Variants in KIF26B observed in about 807,000 individuals in gnomAD.
KIF26B encodes the protein kinesin family member 26B, also known as kinesin-like protein KIF26B.
A neutral mutation model predicts 151.2 loss-of-function variants in KIF26B; 63 were observed. The observed-to-expected ratio is 0.42, with a 90% CI of 0.34 to 0.51. The LOEUF is 0.51. KIF26B is among the 20% of genes least tolerant of loss of function. KIF26B has a pLI of 0.07. For synonymous variants in KIF26B, 1,357 were observed against 1,262.1 expected (o/e 1.08, Z -1.59); for missense variants, 2,813 against 2,913.6 (o/e 0.97, Z 0.79).
At chr1:245,507,163 A>T (rs543994433) in intron 4 of KIF26B, among the ~76,000 whole-genome samples, 3 of 152,270 alleles carry the variant, frequency 2.0e-5, no homozygotes, top group Admixed American at 6.5e-5. Flanking sequence ...TTTGTTGCTT[A>T]GAAGCTTCGA....
Position 245,452,631 on chromosome 1 carries a change from T to A in KIF26B, c.1166+32886T>A, listed in dbSNP as rs573130777. Among the ~76,000 whole-genome samples the A allele has an allele frequency of 2.6e-5, 4 of 152,312 alleles. No individual in the cohort carries two copies. In the South Asian group the frequency reaches 8.3e-4, roughly 32 times the overall value. ...TTTTTTTTAAAAAAAGAAAAAGTTA[T>A]GGCCATTCTATTAGATATGAGGTGG... On this transcript the variant is annotated intron_variant, in intron 4 of 14. Transcript: ENST00000407071.
intron 2 of KIF26B, among the ~76,000 whole-genome samples, chr1:245,291,392 A>G (rs1671250750): frequency 6.6e-6 from 1 of 152,198 alleles, no homozygotes; most frequent in South Asian, 2.1e-4. Context: ...CAAGTCTTGG[A>G]AAGTCTTCCA....
At chr1:245,287,545 C>A (rs1439968573) in intron 2 of KIF26B, among the ~76,000 whole-genome samples, 1 of 146,166 alleles carries the variant, frequency 6.8e-6, no homozygotes, top group Non-Finnish European at 1.5e-5. Flanking sequence ...CTCTTGTTGC[C>A]CAGACTGGAG....
chr1:245,183,493 C>T (rs989878120), intron 2 of KIF26B, among the ~76,000 whole-genome samples: 7 of 152,166 alleles, frequency 4.6e-5, no homozygotes, highest in African/African-American at 1.7e-4. Flanking sequence ...AAGAAATTTT[C>T]CAGACTCATT....
At chr1:245,195,050 T>C (rs1315507052) in intron 2 of KIF26B, among the ~76,000 whole-genome samples, 1 of 152,202 alleles carries the variant, frequency 6.6e-6, no homozygotes, top group African/African-American at 2.4e-5. Context: ...TTGTTACTTT[T>C]TATGGGCTCT....
intron 3 of KIF26B, among the ~76,000 whole-genome samples, chr1:245,408,607 G>A (rs1018235071): frequency 1.3e-5 from 2 of 151,940 alleles, no homozygotes; most frequent in Admixed American, 6.6e-5. Flanking sequence ...CACCCGCCTC[G>A]GCCTCCCAAA....
intron 2 of KIF26B, among the ~76,000 whole-genome samples, chr1:245,312,517 A>T (rs1345256675): frequency 6.6e-6 from 1 of 152,034 alleles, no homozygotes; most frequent in Non-Finnish European, 1.5e-5. Context: ...CTCCCCTAGG[A>T]CACTCATTAG....
intron 4 of KIF26B, among the ~76,000 whole-genome samples, chr1:245,463,526 A>G (rs1215829675): frequency 6.6e-6 from 1 of 152,208 alleles, no homozygotes; most frequent in Non-Finnish European, 1.5e-5. Context: ...GAATGGAGCT[A>G]TGGACATGAA....
chr1:245,670,198 TGAA>T (rs112485759), intron 10 of KIF26B, among the ~76,000 whole-genome samples: 11 of 148,940 alleles, frequency 7.4e-5, no homozygotes, highest in African/African-American at 2.4e-4. Flanking sequence ...AACCTGGGCA[TGAA>T]GAAAAAAGGC....
chr1:245,332,304 C>A (rs547577492), intron 2 of KIF26B, among the ~76,000 whole-genome samples: 57 of 152,154 alleles, frequency 3.7e-4, no homozygotes, highest in African/African-American at 1.3e-3. Context: ...AGGCAGATGA[C>A]TAAAAATGAC....
intron 2 of KIF26B, among the ~76,000 whole-genome samples, chr1:245,362,103 G>C (rs1314701781): frequency 6.6e-6 from 1 of 150,908 alleles, no homozygotes; most frequent in East Asian, 2.0e-4. Flanking sequence ...GGGGCGAAGA[G>C]AGTCTCGCGG....
At chr1:245,168,978 A>G (rs556178724) in intron 2 of KIF26B, among the ~76,000 whole-genome samples, 58 of 152,152 alleles carry the variant, frequency 3.8e-4, no homozygotes, top group Non-Finnish European at 7.1e-4. Flanking sequence ...CAAATCTAAT[A>G]CTTTGTATTT....
intron 9 of KIF26B, among the ~76,000 whole-genome samples, chr1:245,617,055 C>T (rs774460001): frequency 2.6e-5 from 4 of 152,232 alleles, no homozygotes; most frequent in South Asian, 4.2e-4. Flanking sequence ...CATCTGTCTA[C>T]ACATCTCATC....
intron 3 of KIF26B, among the ~76,000 whole-genome samples, chr1:245,397,324 TCC>T (rs1673872757): frequency 6.6e-6 from 1 of 152,170 alleles, no homozygotes; most frequent in East Asian, 1.9e-4. Flanking sequence ...CAAGCAATTC[TCC>T]TGCCTCAGCC....
rs907695425 is a variant in KIF26B, at chr1:245,702,747, C to G, written c.*141C>G. 5.5e-6 allele frequency: 5 copies of G among 914,746 alleles called. No individual in the cohort carries two copies. Among genetic ancestry groups the G allele is most frequent in the Non-Finnish European group, 7.9e-6 (5 of 633,224 alleles). The allele number at this position is 914,746 out of a possible 1,614,324, so 56.7% of individuals were successfully genotyped here. A position where few individuals can be genotyped will look rare whatever the true frequency, so the allele number is the denominator to read the frequency against. On this transcript the variant is annotated 3_prime_UTR_variant, in exon 15 of 15. Coordinates refer to ENST00000407071, the MANE Select transcript of KIF26B (RefSeq NM_018012.4). This position sits in a 1 kb window ranked among gnomAD's most constrained non-coding sequence, Gnocchi z 4.1. ...TGGCAAGTCTGGAGCGGGCGTTGAG[C>G]GGAAGGCGAGTTTTCTTTTGTTTTC... is the stretch of plus-strand genomic sequence containing the variant.
In KIF26B at chr1:245,640,159, A is replaced by ATG. The variant is rs1553299339; in HGVS notation, c.2099-5961_2099-5960insGT. Among the ~76,000 whole-genome samples the ATG allele has an allele frequency of 9.7e-3, 334 of 34,362 alleles. 23 individuals carry two copies. The highest frequency in any genetic ancestry group is 0.028 in the African/African-American group (318 of 11,480). The allele number at this position is 34,362 out of a possible 152,430, so 22.5% of individuals were successfully genotyped here. A position where few individuals can be genotyped will look rare whatever the true frequency, so the allele number is the denominator to read the frequency against. On this transcript the variant is annotated intron_variant, in intron 9 of 14. Coordinates refer to ENST00000407071, the MANE Select transcript of KIF26B (RefSeq NM_018012.4). Reference sequence around the variant, plus strand: ...TCTCTCTCTCTATATATATATATATATACCCTGCTATTTGGTTATATATAT... The same window carrying ATG: ...TCTCTCTCTCTATATATATATATATATGTACCCTGCTATTTGGTTATATATAT...
chr1:245,456,227 A>C (rs961562215), intron 4 of KIF26B, among the ~76,000 whole-genome samples: 7 of 152,210 alleles, frequency 4.6e-5, no homozygotes, highest in Non-Finnish European at 8.8e-5. Context: ...AAGACTCTAG[A>C]TCATTACATT....
chr1:245,229,271 C>T lies in KIF26B; in HGVS notation c.465+72588C>T, dbSNP rs115483099. On this transcript the variant is annotated intron_variant, in intron 2 of 14. Coordinates refer to ENST00000407071, the MANE Select transcript of KIF26B (RefSeq NM_018012.4). Reference sequence around the variant, plus strand: ...ACAAGCGTGAGCCACCGCCCCCTGCCGGATTTATCTTACCCATGTGTCTCT... The same window carrying T: ...ACAAGCGTGAGCCACCGCCCCCTGCTGGATTTATCTTACCCATGTGTCTCT... Among the ~76,000 whole-genome samples the T allele has an allele frequency of 3.6e-3, 551 of 152,198 alleles. 5 individuals are homozygous for T. Among genetic ancestry groups the T allele is most frequent in the African/African-American group, 0.013 (527 of 41,538 alleles).
Position 245,196,820 on chromosome 1 carries a change from T to G in KIF26B, c.465+40137T>G, listed in dbSNP as rs565149091. On this transcript the variant is annotated intron_variant, in intron 2 of 14. Transcript: ENST00000407071. ...ATGATTGCCGGTCACCTCAAATGGTTCCGAGCATACCCTGCTTTGACCACG... is the reference window on the plus strand; with the variant it reads ...ATGATTGCCGGTCACCTCAAATGGTGCCGAGCATACCCTGCTTTGACCACG... Among the ~76,000 whole-genome samples the G allele has an allele frequency of 4.6e-5, 7 of 152,348 alleles. No homozygotes were observed. In the South Asian group the frequency reaches 1.4e-3, roughly 32 times the overall value.
Sources: allele counts gnomAD v4.1 joint callset (sites outside exome capture counted in the v4.1 genomes callset), GRCh38; gene constraint gnomAD v4.1.1; non-coding constraint Gnocchi (gnomAD v3.1); transcripts MANE v1.5; gene names NCBI Gene and HGNC (gene_info 2026-07-23, HGNC 2026-07-21).